The following UBASH3B variants were observed in gnomAD, a reference collection of about 807,000 sequenced individuals.
UBASH3B encodes the protein ubiquitin associated and SH3 domain containing B, also known as ubiquitin-associated and SH3 domain-containing protein B.
A neutral mutation model predicts 83.4 loss-of-function variants in UBASH3B; 37 were observed. The ratio of observed to expected loss-of-function variants is 0.44; its 90% confidence interval spans 0.34 to 0.58. The LOEUF is 0.58. Ranked by LOEUF, UBASH3B falls within the 20% of genes least tolerant of loss-of-function variation. UBASH3B has a pLI of 0.01. For synonymous variants in UBASH3B, 304 were observed against 318.3 expected, an observed-to-expected ratio of 0.96 and a Z score of 0.48; for missense variants, 657 against 827.2, an observed-to-expected ratio of 0.79 and a Z score of 2.52.
At chr11:122,798,885 G>T in intron 9 of UBASH3B, 57 bp from the exon 10 acceptor site, 1 of 1,487,704 alleles carries the variant, frequency 6.7e-7, no homozygotes. Flanking sequence ...CACACTGCGG[G>T]TCAAGGTGAG....
At chr11:122,723,377 G>A (rs1387971238) in intron 1 of UBASH3B, among the ~76,000 whole-genome samples, 1 of 152,164 alleles carries the variant, frequency 6.6e-6, no homozygotes, top group Non-Finnish European at 1.5e-5. Flanking sequence ...CAAGTCTCCA[G>A]CCTAAAGCCT....
intron 1 of UBASH3B, among the ~76,000 whole-genome samples, chr11:122,668,282 G>A (rs916592046): frequency 2.6e-5 from 4 of 152,176 alleles, no homozygotes; most frequent in Non-Finnish European, 4.4e-5. Flanking sequence ...GCCACCATGC[G>A]TGGCCGAGTC....
Position 122,656,019 on chromosome 11 carries a change from T to C in UBASH3B, c.-31T>C. On this transcript the variant is annotated 5_prime_UTR_variant, in exon 1 of 14. Transcript: ENST00000284273. ...CCTTCCCGAACCATCCGGCTCGGGC[T>C]CCTTCCCTGGCGATGGCTGGCCGCT... 6.6e-7 allele frequency: 1 copy of C among 1,518,284 alleles called. No individual in the cohort carries two copies. The highest frequency in any genetic ancestry group is 8.8e-7 in the Non-Finnish European group (1 of 1,130,376). The allele number at this position is 1,518,284 out of a possible 1,614,324, so 94.1% of individuals were successfully genotyped here.
chr11:122,710,223 C>T (rs886839151), intron 1 of UBASH3B, among the ~76,000 whole-genome samples: 5 of 150,720 alleles, frequency 3.3e-5, no homozygotes, highest in African/African-American at 1.2e-4. Context: ...CATGGTCTAG[C>T]TTCTAGGTTC....
At chr11:122,730,612 T>C (rs1371170005) in intron 1 of UBASH3B, among the ~76,000 whole-genome samples, 1 of 150,942 alleles carries the variant, frequency 6.6e-6, no homozygotes, top group Non-Finnish European at 1.5e-5. Context: ...TTTTTTTAAT[T>C]GAGACAGAGT....
intron 1 of UBASH3B, among the ~76,000 whole-genome samples, chr11:122,657,717 A>G (rs1863382737): frequency 6.6e-6 from 1 of 152,184 alleles, no homozygotes; most frequent in Non-Finnish European, 1.5e-5. Flanking sequence ...GAAGGCTGCA[A>G]AATGGACTGA....
intron 1 of UBASH3B, among the ~76,000 whole-genome samples, chr11:122,734,969 A>G (rs868589330): frequency 2.0e-5 from 3 of 152,090 alleles, no homozygotes; most frequent in Non-Finnish European, 1.5e-5. Flanking sequence ...AGCAAACTTT[A>G]TATAAACTCA....
intron 1 of UBASH3B, among the ~76,000 whole-genome samples, chr11:122,765,770 C>T (rs914562546): frequency 1.8e-4 from 27 of 152,298 alleles, no homozygotes; most frequent in Non-Finnish European, 8.8e-5. Context: ...TGCCTGGGAG[C>T]TCACGTATGT....
chr11:122,749,808 C>T (rs1861173385), intron 1 of UBASH3B, among the ~76,000 whole-genome samples: 1 of 152,236 alleles, frequency 6.6e-6, no homozygotes, highest in African/African-American at 2.4e-5. Flanking sequence ...TCTCGGCTCA[C>T]TGCAACCTCC....
At position 122,779,599 on chromosome 11, in the gene UBASH3B, T is replaced by A. The variant is rs1860812669; in HGVS notation, c.505T>A (p.Ser169Thr). The A allele has an allele frequency of 6.2e-7, 1 of 1,614,166 alleles. No individual in the cohort carries two copies. The highest frequency in any genetic ancestry group is 8.5e-7 in the Non-Finnish European group (1 of 1,180,030). The change falls in exon 4 of 14, where the codon TCG becomes ACG. Residue 169 changes from serine to threonine, a missense_variant. By Grantham distance (58) the Ser-to-Thr change is moderately conservative. Coordinates refer to ENST00000284273, the MANE Select transcript of UBASH3B (RefSeq NM_032873.5). ...SAPLPLELYT[S>T]SNFIGLFVKE... is the part of the protein sequence containing the mutation. ...CCCGCTGCCCCTGGAGCTCTATACG[T>A]CGTCCAACTTCATCGGCCTCTTTGT...
chr11:122,747,484 C>T (rs963674990), intron 1 of UBASH3B, among the ~76,000 whole-genome samples: 1 of 152,166 alleles, frequency 6.6e-6, no homozygotes, highest in African/African-American at 2.4e-5. Flanking sequence ...AAAAATACAC[C>T]AGAGTCCTGG....
intron 1 of UBASH3B, among the ~76,000 whole-genome samples, chr11:122,754,662 T>A (rs1335822688): frequency 6.6e-6 from 1 of 152,138 alleles, no homozygotes; most frequent in East Asian, 1.9e-4. Flanking sequence ...AAGGCTGTTC[T>A]TCATCATCAG....
At chr11:122,667,711 G>A (rs568755413) in intron 1 of UBASH3B, among the ~76,000 whole-genome samples, 1 of 152,300 alleles carries the variant, frequency 6.6e-6, no homozygotes, top group South Asian at 2.1e-4. Context: ...TTAATATTAT[G>A]CCTCAGGTGT....
chr11:122,721,088 AC>A (rs1339597470), intron 1 of UBASH3B, among the ~76,000 whole-genome samples: 5 of 148,366 alleles, frequency 3.4e-5, no homozygotes, highest in Non-Finnish European at 7.4e-5. Flanking sequence ...TACCAAAAAT[AC>A]AAAAAATTAG....
chr11:122,725,380 C>T (rs370471399), intron 1 of UBASH3B, among the ~76,000 whole-genome samples: 3 of 149,208 alleles, frequency 2.0e-5, no homozygotes, highest in East Asian at 2.0e-4. Flanking sequence ...ACTTGAGTAC[C>T]TCGCCCTTGT....
At chr11:122,752,263 AC>A (rs2135968676) in intron 1 of UBASH3B, among the ~76,000 whole-genome samples, 1 of 152,042 alleles carries the variant, frequency 6.6e-6, no homozygotes, top group African/African-American at 2.4e-5. Flanking sequence ...GCCTAAGCAC[AC>A]TCTCTTTGAG....
intron 1 of UBASH3B, among the ~76,000 whole-genome samples, chr11:122,673,864 TCTTCAGCCTTTCTCAGCTTACTG>T (rs1417896200): frequency 6.6e-6 from 1 of 152,238 alleles, no homozygotes; most frequent in Non-Finnish European, 1.5e-5. Context: ...CTCTCAAATT[TCTTCAGCCTTTCTCAGCTTACTG>T]CTGGACTCCT....
intron 1 of UBASH3B, among the ~76,000 whole-genome samples, chr11:122,683,862 T>G (rs1179954580): frequency 6.6e-6 from 1 of 151,996 alleles, no homozygotes; most frequent in African/African-American, 2.4e-5. Context: ...TCTTTTCTGA[T>G]TTTTTTATTT....
chr11:122,773,874 G>T (rs892100808), intron 1 of UBASH3B: 1 of 616,350 alleles, frequency 1.6e-6, no homozygotes, highest in African/African-American at 2.0e-5. Flanking sequence ...GGGGAAGGGT[G>T]TAGAAAAAAA....
Sources: gnomAD v4.1 joint callset for allele counts (sites outside exome capture counted in the v4.1 genomes callset) on GRCh38, gnomAD v4.1.1 for gene constraint, MANE v1.5 for transcripts, NCBI Gene and HGNC (gene_info 2026-07-23, HGNC 2026-07-21) for gene names.